The following EDA variants were observed in gnomAD, a reference collection of about 807,000 sequenced individuals.
EDA encodes the protein ectodysplasin A.
In EDA, 2 loss-of-function variants were observed where a neutral mutation model predicts 23.6. That is an observed-to-expected ratio of 0.08 (90% CI 0.03 to 0.27). The LOEUF is 0.27. EDA is among the 10% of genes least tolerant of loss of function. EDA has a pLI of 1.00. For missense variants in EDA, 229 were observed against 324.2 expected, an observed-to-expected ratio of 0.71 and a Z score of 2.26; for synonymous variants, 131 against 132.0, an observed-to-expected ratio of 0.99 and a Z score of 0.05.
chrX:69,929,705 T>TG (rs778727599), intron 1 of EDA, among the ~76,000 whole-genome samples: 10,065 of 79,574 alleles, frequency 0.13, 950 homozygotes, highest in East Asian at 0.71. Flanking sequence ...TCATTCTATT[T>TG]TTGTGTGTGT....
chrX:69,780,936 C>A (rs1304753500), intron 1 of EDA, among the ~76,000 whole-genome samples: 11 of 111,773 alleles, frequency 9.8e-5, no homozygotes, highest in Admixed American at 1.9e-4. Flanking sequence ...AACCACTATT[C>A]TACTTTCCAT....
intron 1 of EDA, among the ~76,000 whole-genome samples, chrX:69,635,611 C>G (rs1932759713): frequency 1.2e-5 from 1 of 84,907 alleles, no homozygotes; most frequent in African/African-American, 5.1e-5. Flanking sequence ...CTCTTTCACC[C>G]AGGCTGGAGT....
chrX:69,923,436 G>A (rs1350447303), intron 1 of EDA, among the ~76,000 whole-genome samples: 1 of 111,169 alleles, frequency 9.0e-6, no homozygotes, highest in African/African-American at 3.3e-5. Flanking sequence ...ATGGCTTCCA[G>A]CTTCATCCAA....
chrX:69,995,100 G>A (rs140302828), intron 2 of EDA, among the ~76,000 whole-genome samples: 163 of 112,193 alleles, frequency 1.5e-3, no homozygotes, highest in African/African-American at 4.9e-3. Flanking sequence ...TAAAACTGCT[G>A]TGGAAATCAT....
At chrX:69,648,142 C>G (rs1932981042) in intron 1 of EDA, among the ~76,000 whole-genome samples, 1 of 111,857 alleles carries the variant, frequency 8.9e-6, no homozygotes. Flanking sequence ...CTAGAGACCC[C>G]CATTGTGAGG....
chrX:69,629,977 C>A (rs1441875329), intron 1 of EDA, among the ~76,000 whole-genome samples: 1 of 111,692 alleles, frequency 9.0e-6, no homozygotes, highest in Non-Finnish European at 1.9e-5. Context: ...CATCGTATAT[C>A]AAAGTTCCCT....
At chrX:70,008,915 T>A (rs768987911) in intron 2 of EDA, among the ~76,000 whole-genome samples, 1 of 111,389 alleles carries the variant, frequency 9.0e-6, no homozygotes, top group East Asian at 2.8e-4. Context: ...CCTGGTGCTT[T>A]CCCTTTTGGA....
Position 69,979,368 on chromosome X carries a change from A to C in EDA, c.502+22236A>C, listed in dbSNP as rs191213056. ...GCTACTGTGAACATTCATTTACAAGATTTTTATGGAAATATGTTTTTATTT... is the reference window on the plus strand; with the variant it reads ...GCTACTGTGAACATTCATTTACAAGCTTTTTATGGAAATATGTTTTTATTT... On this transcript the variant is annotated intron_variant, in intron 2 of 7. Coordinates refer to ENST00000374552, the MANE Select transcript of EDA (RefSeq NM_001399.5). 2.7e-3 allele frequency among the ~76,000 whole-genome samples: 306 copies of C among 112,013 alleles called. 2 individuals are homozygous for C. The highest frequency in any genetic ancestry group is 4.0e-3 in the Non-Finnish European group (213 of 53,189).
chrX:69,898,717 A>C (rs2018055960), intron 1 of EDA, among the ~76,000 whole-genome samples: 2 of 112,770 alleles, frequency 1.8e-5, no homozygotes, highest in Non-Finnish European at 3.7e-5. Flanking sequence ...ATAAAATAAA[A>C]ATAAGTGTTA....
rs993045863 is a variant in EDA, at chrX:69,700,503, C to T, written c.396+83799C>T. Among the ~76,000 whole-genome samples, 3 of 111,372 alleles carry T rather than the reference C, an allele frequency of 2.7e-5. No individual in the cohort carries two copies. In the Admixed American group the frequency reaches 2.9e-4, roughly 11 times the overall value. ...ACAGCCTGGTTAATGAGCCTGAGGT[C>T]CTTGACTAAGTGATAAGTTCCATCT... On this transcript the variant is annotated intron_variant, in intron 1 of 7. Transcript: ENST00000374552.
chrX:69,616,844 G>C (rs1931979807), intron 1 of EDA, 140 bp downstream of exon 1: 1 of 853,195 alleles, frequency 1.2e-6, no homozygotes, highest in Admixed American at 2.9e-5. Context: ...GGCGAGCAAG[G>C]GAGAAGTTGC....
intron 1 of EDA, among the ~76,000 whole-genome samples, chrX:69,829,380 A>G (rs1425492143): frequency 8.9e-6 from 1 of 112,208 alleles, no homozygotes; most frequent in Admixed American, 9.5e-5. Context: ...AAGGTTGATA[A>G]TCTTTCCATT....
intron 1 of EDA, among the ~76,000 whole-genome samples, chrX:69,883,764 T>C (rs2017785931): frequency 9.0e-6 from 1 of 111,649 alleles, no homozygotes; most frequent in Non-Finnish European, 1.9e-5. Context: ...AAATAAGCAA[T>C]CTTAGAAGTC....
chrX:69,828,638 G>T (rs939175701), intron 1 of EDA, among the ~76,000 whole-genome samples: 4 of 112,338 alleles, frequency 3.6e-5, no homozygotes, highest in African/African-American at 1.3e-4. Flanking sequence ...TGCCTCAGAT[G>T]GAAATGCAGA....
intron 2 of EDA, among the ~76,000 whole-genome samples, chrX:70,004,945 A>C (rs2019783473): frequency 9.0e-6 from 1 of 111,535 alleles, no homozygotes; most frequent in Admixed American, 9.5e-5. Flanking sequence ...AGTTTTAAAA[A>C]GCTAGCTGGG....
chrX:69,699,756 G>A (rs374770506), intron 1 of EDA, among the ~76,000 whole-genome samples: 1 of 110,599 alleles, frequency 9.0e-6, no homozygotes, highest in African/African-American at 3.3e-5. Flanking sequence ...GGAAAGTGAG[G>A]ACGGGGGCTG....
chrX:69,971,207 G>C (rs1028434550), intron 2 of EDA, among the ~76,000 whole-genome samples: 1 of 111,784 alleles, frequency 8.9e-6, no homozygotes, highest in African/African-American at 3.3e-5. Context: ...TCACTCACTC[G>C]TCCTCTAATT....
chrX:69,825,567 C>T (rs1243159070), intron 1 of EDA, among the ~76,000 whole-genome samples: 43 of 111,634 alleles, frequency 3.9e-4, no homozygotes, highest in Admixed American at 1.4e-3. Flanking sequence ...TTTTTTATTG[C>T]GTCTATTTGA....
chrX:69,833,285 C>T (rs2016667483), intron 1 of EDA, among the ~76,000 whole-genome samples: 1 of 111,137 alleles, frequency 9.0e-6, no homozygotes, highest in East Asian at 2.8e-4. Flanking sequence ...TTTTCTGCAT[C>T]TGTTGAGATA....
Sources: gnomAD v4.1 joint callset for allele counts (sites outside exome capture counted in the v4.1 genomes callset) on GRCh38, gnomAD v4.1.1 for gene constraint, MANE v1.5 for transcripts, NCBI Gene and HGNC (gene_info 2026-07-23, HGNC 2026-07-21) for gene names.